The following CNTN6 variants were observed in gnomAD, a reference collection of about 807,000 sequenced individuals.
The protein encoded by CNTN6 is contactin 6.
Under a neutral mutation model 122.8 loss-of-function variants are expected in CNTN6, and 137 were observed. The ratio of observed to expected loss-of-function variants is 1.12; its 90% CI spans 0.97 to 1.29. The LOEUF (loss-of-function observed/expected upper bound fraction) is 1.29. Among genes scored for constraint, CNTN6 ranks in the 50% most tolerant of loss-of-function variants. CNTN6 has a pLI of 0.00. For synonymous variants in CNTN6, 570 were observed against 426.0 expected, an observed-to-expected ratio of 1.34 and a Z score of -4.16; for missense variants, 1,634 against 1,223.4, an observed-to-expected ratio of 1.34 and a Z score of -5.01.
chr3:1,372,204 A>G, intron 12 of CNTN6, 95 bp from the exon 13 acceptor site: 1 of 963,964 alleles, frequency 1.0e-6, no homozygotes, highest in Non-Finnish European at 1.5e-6. Context: ...CATTTATATA[A>G]TTTCAAATGA....
At chr3:1,307,294 T>C (rs148974146) in intron 7 of CNTN6, among the ~76,000 whole-genome samples, 1 of 152,180 alleles carries the variant, frequency 6.6e-6, no homozygotes, top group Non-Finnish European at 1.5e-5. Context: ...CACTGTCATT[T>C]CTTTAGCAGA....
At chr3:1,169,734 G>A (rs1468119573) in intron 2 of CNTN6, among the ~76,000 whole-genome samples, 1 of 152,172 alleles carries the variant, frequency 6.6e-6, no homozygotes. Flanking sequence ...AGCCTGCAAA[G>A]CTGAGACACT....
At chr3:1,326,465 A>G (rs1367913708) in intron 9 of CNTN6, among the ~76,000 whole-genome samples, 1 of 151,796 alleles carries the variant, frequency 6.6e-6, no homozygotes, top group African/African-American at 2.4e-5. Flanking sequence ...TTTTGGTCTG[A>G]TATCAGGACC....
intron 1 of CNTN6, among the ~76,000 whole-genome samples, chr3:1,129,135 A>G (rs1373504925): frequency 6.6e-6 from 1 of 152,062 alleles, no homozygotes; most frequent in Non-Finnish European, 1.5e-5. Context: ...TTAAAAAGGA[A>G]GTTATAGAAT....
chr3:1,218,109 T>C (rs1467204753), intron 2 of CNTN6, among the ~76,000 whole-genome samples: 1 of 152,108 alleles, frequency 6.6e-6, no homozygotes, highest in Non-Finnish European at 1.5e-5. Context: ...GAGGCATCCA[T>C]GCAGGGCAGG....
At chr3:1,168,782 A>G (rs1483948037) in intron 2 of CNTN6, among the ~76,000 whole-genome samples, 1 of 152,154 alleles carries the variant, frequency 6.6e-6, no homozygotes, top group Non-Finnish European at 1.5e-5. Flanking sequence ...AGCACAGAGC[A>G]ATTTCTAGGC....
chr3:1,384,772 C>CATATATATAT (rs66929153), intron 19 of CNTN6, among the ~76,000 whole-genome samples: 7 of 120,920 alleles, frequency 5.8e-5, no homozygotes, highest in East Asian at 2.3e-4. Context: ...TATATATACA[C>CATATATATAT]ATATATATAT....
intron 5 of CNTN6, among the ~76,000 whole-genome samples, chr3:1,287,175 A>G (rs1307535040): frequency 2.0e-5 from 3 of 152,132 alleles, no homozygotes; most frequent in Non-Finnish European, 2.9e-5. Flanking sequence ...GAAAATTAAC[A>G]ACGATATTCA....
At chr3:1,105,294 C>T (rs553573863) in intron 1 of CNTN6, among the ~76,000 whole-genome samples, 1 of 152,200 alleles carries the variant, frequency 6.6e-6, no homozygotes, top group African/African-American at 2.4e-5. Context: ...ATGAATATTT[C>T]ATGAGTGTTT....
rs572619409 is a variant in CNTN6, at chr3:1,194,222, T to C, written c.56-26465T>C. Among the ~76,000 whole-genome samples the C allele has an allele frequency of 2.0e-5, 3 of 152,188 alleles. No individual in the cohort carries two copies. The South Asian group carries it at 6.2e-4, about 32-fold the overall frequency. On this transcript the variant is annotated intron_variant, in intron 2 of 22. Coordinates refer to ENST00000446702, the MANE Select transcript of CNTN6 (RefSeq NM_001289080.2). ...CCCCAAGAATGTTTAAAGGGAGAAA[T>C]CTTTTAAAATAAAATGCAACTATAA... is the stretch of plus-strand genomic sequence containing the variant.
chr3:1,119,757 A>G (rs1349662399), intron 1 of CNTN6, among the ~76,000 whole-genome samples: 1 of 152,062 alleles, frequency 6.6e-6, no homozygotes, highest in East Asian at 1.9e-4. Context: ...AACAAAATGC[A>G]CACATTTTAT....
intron 7 of CNTN6, among the ~76,000 whole-genome samples, chr3:1,309,050 C>T (rs546744274): frequency 3.9e-5 from 6 of 152,202 alleles, no homozygotes; most frequent in South Asian, 2.1e-4. Flanking sequence ...ATCAGATATG[C>T]GTTTTGCCAA....
At chr3:1,234,340 G>T (rs1442607687) in intron 4 of CNTN6, among the ~76,000 whole-genome samples, 1 of 152,160 alleles carries the variant, frequency 6.6e-6, no homozygotes, top group East Asian at 1.9e-4. Context: ...TAAGATATTT[G>T]TGTATTTAAA....
At chr3:1,131,486 G>T (rs1309119052) in intron 1 of CNTN6, among the ~76,000 whole-genome samples, 1 of 152,022 alleles carries the variant, frequency 6.6e-6, no homozygotes, top group Non-Finnish European at 1.5e-5. Flanking sequence ...CAGAAGACAG[G>T]GAAGCAAATT....
At chr3:1,200,925 C>T (rs75835725) in intron 2 of CNTN6, among the ~76,000 whole-genome samples, 25 of 119,426 alleles carry the variant, frequency 2.1e-4, no homozygotes, top group African/African-American at 2.4e-4. Context: ...TTCTTTCGTT[C>T]TTTTTTTCTT....
chr3:1,180,600 G>A (rs1007385856), intron 2 of CNTN6, among the ~76,000 whole-genome samples: 1 of 152,214 alleles, frequency 6.6e-6, no homozygotes, highest in East Asian at 1.9e-4. Context: ...ATCACTCATT[G>A]AGGGATCAGC....
At chr3:1,131,386 C>T (rs1242774309) in intron 1 of CNTN6, among the ~76,000 whole-genome samples, 1 of 149,528 alleles carries the variant, frequency 6.7e-6, no homozygotes, top group Non-Finnish European at 1.5e-5. Flanking sequence ...ATTAGTCCTT[C>T]AGTGCCTCAT....
intron 4 of CNTN6, among the ~76,000 whole-genome samples, chr3:1,273,167 A>G (rs999159814): frequency 4.6e-5 from 7 of 152,208 alleles, no homozygotes; most frequent in African/African-American, 1.7e-4. Flanking sequence ...AGCAACCTCA[A>G]CAATCAAGGT....
intron 12 of CNTN6, 80 bp downstream of exon 12, chr3:1,352,531 C>G: frequency 1.3e-6 from 2 of 1,516,934 alleles, no homozygotes; most frequent in Middle Eastern, 1.7e-4. Flanking sequence ...GGTGTCAAAC[C>G]TGTACCATAT....
Sources: gnomAD v4.1 joint callset for allele counts (sites outside exome capture counted in the v4.1 genomes callset) on GRCh38, gnomAD v4.1.1 for gene constraint, MANE v1.5 for transcripts, NCBI Gene and HGNC (gene_info 2026-07-23, HGNC 2026-07-21) for gene names.